Variants in GIMAP8 observed in about 807,000 individuals in gnomAD.
GIMAP8 encodes the protein GTPase IMAP family member 8.
A neutral mutation model predicts 35.6 loss-of-function variants in GIMAP8; 29 were observed. The observed-to-expected ratio is 0.81, with a 90% CI of 0.61 to 1.11. The LOEUF is 1.11. GIMAP8 is among the 50% of genes most tolerant of loss of function. The pLI is 0.00. For missense variants in GIMAP8, 811 were observed against 805.0 expected, an observed-to-expected ratio of 1.01 and a Z score of -0.09; for synonymous variants, 335 against 308.7, an observed-to-expected ratio of 1.09 and a Z score of -0.89.
chr7:150,457,331 CGT>C (rs763819243), intron 1 of GIMAP8, among the ~76,000 whole-genome samples: 3 of 152,176 alleles, frequency 2.0e-5, no homozygotes, highest in Non-Finnish European at 4.4e-5. Context: ...CAACCTCCAG[CGT>C]GTGTGTCATA....
rs764270542 is a variant in GIMAP8 at position 150,472,423 on chromosome 7, G to C, written c.682+1549G>C. ...ATGTTCGGGCAATGCTGTTGTTTTT[G>C]TGTGCTCAGATACGATTGCAGAGTG... On this transcript the variant is annotated intron_variant, in intron 3 of 4. Transcript: ENST00000307271. The surrounding 1 kb of genome is among the most constrained non-coding windows in gnomAD (Gnocchi z 4.1). 2.6e-5 allele frequency among the ~76,000 whole-genome samples: 4 copies of C among 152,170 alleles called. No individual in the cohort carries two copies.
chr7:150,470,142 T>C (rs1802056214), intron 2 of GIMAP8, among the ~76,000 whole-genome samples: 1 of 152,200 alleles, frequency 6.6e-6, no homozygotes, highest in Non-Finnish European at 1.5e-5. Flanking sequence ...TGAACTGGGC[T>C]ATGTAAGGTT....
chr7:150,470,746 CTT>C (rs765100972), intron 2 of GIMAP8, 81 bp from the exon 3 acceptor site: 6,246 of 464,842 alleles, frequency 0.013, 17 homozygotes, highest in African/African-American at 0.054. Flanking sequence ...CTTCAATTTC[CTT>C]TTTTTTTTTT....
intron 1 of GIMAP8, among the ~76,000 whole-genome samples, chr7:150,455,368 A>C (rs977342459): frequency 1.3e-5 from 2 of 152,254 alleles, no homozygotes; most frequent in Non-Finnish European, 2.9e-5. Flanking sequence ...AGGTGTTGGG[A>C]GTTGCTCAGT....
intron 3 of GIMAP8, among the ~76,000 whole-genome samples, chr7:150,471,758 A>C (rs1802098350): frequency 1.3e-5 from 2 of 151,980 alleles, no homozygotes; most frequent in South Asian, 4.2e-4. Flanking sequence ...AATCACTTGA[A>C]TCTGGGAGCG....
intron 3 of GIMAP8, among the ~76,000 whole-genome samples, chr7:150,471,918 C>T (rs1474944158): frequency 6.6e-6 from 1 of 151,942 alleles, no homozygotes; most frequent in Non-Finnish European, 1.5e-5. Flanking sequence ...ATAGCATATT[C>T]ATATATAATC....
Position 150,464,802 on chromosome 7 carries a change from A to G in GIMAP8, c.-28-1869A>G, listed in dbSNP as rs186610258. ...GATTGTTTTCTTTAAAATTTTCTAAATATACCAAATTCTTTAGAATAAACA... is the reference window on the plus strand; with the variant it reads ...GATTGTTTTCTTTAAAATTTTCTAAGTATACCAAATTCTTTAGAATAAACA... On this transcript the variant is annotated intron_variant, in intron 1 of 4. Transcript: ENST00000307271. Among the ~76,000 whole-genome samples the G allele has an allele frequency of 2.6e-5, 4 of 152,380 alleles. No homozygotes were observed. In the East Asian group the frequency reaches 5.8e-4, roughly 22 times the overall value.
intron 1 of GIMAP8, among the ~76,000 whole-genome samples, chr7:150,452,695 T>G (rs1017910753): frequency 1.8e-4 from 20 of 112,232 alleles, no homozygotes; most frequent in African/African-American, 5.7e-4. Context: ...TATATATATA[T>G]ATATATATAT....
At position 150,472,672 on chromosome 7, in the gene GIMAP8, G is replaced by T. The variant is rs1802118553; in HGVS notation, c.683-1340G>T. Among the ~76,000 whole-genome samples, 3 of 152,210 alleles carry T rather than the reference G, an allele frequency of 2.0e-5. No individual in the cohort carries two copies. The highest frequency in any genetic ancestry group is 2.0e-4 in the Admixed American group (3 of 15,282). On this transcript the variant is annotated intron_variant, in intron 3 of 4. Transcript: ENST00000307271. The surrounding 1 kb of genome is among the most constrained non-coding windows in gnomAD (Gnocchi z 4.1). ...TAAAATTATTATTTTGGTAAGAATA[G>T]AGGAAATACACATGGCAGCTGATTT...
intron 1 of GIMAP8, among the ~76,000 whole-genome samples, chr7:150,452,635 GTA>G (rs1292021323): frequency 1.1e-4 from 13 of 121,998 alleles, no homozygotes; most frequent in African/African-American, 2.8e-4. Context: ...GTGTATATAT[GTA>G]TATATATGTG....
chr7:150,461,837 G>T (rs1801852669), intron 1 of GIMAP8, among the ~76,000 whole-genome samples: 1 of 152,140 alleles, frequency 6.6e-6, no homozygotes, highest in African/African-American at 2.4e-5. Flanking sequence ...GTTGTTTTTG[G>T]ATTGTTTTGT....
chr7:150,465,519 A>G (rs1801935992), intron 1 of GIMAP8, among the ~76,000 whole-genome samples: 1 of 152,208 alleles, frequency 6.6e-6, no homozygotes, highest in Non-Finnish European at 1.5e-5. Flanking sequence ...CTCTTGGGCA[A>G]TCCAGAAGAA....
chr7:150,478,641 T>G lies in GIMAP8; in HGVS notation c.*861T>G, dbSNP rs1802298827. On this transcript the variant is annotated 3_prime_UTR_variant, in exon 5 of 5. Transcript: ENST00000307271. ...TTTCCCTTGAGGTTAGGAAACAGGT[T>G]AAAACTCAGAGAACTCCAATAATAA... 1 of 152,182 alleles carries G rather than the reference T, an allele frequency of 6.6e-6. No individual in the cohort carries two copies. The highest frequency in any genetic ancestry group is 2.1e-4 in the South Asian group (1 of 4,830). The allele number at this position is 152,182 out of a possible 1,614,324, so 9.4% of individuals were successfully genotyped here. A position where few individuals can be genotyped will look rare whatever the true frequency, so the allele number is the denominator to read the frequency against.
intron 4 of GIMAP8, 74 bp downstream of exon 4, chr7:150,474,712 T>C: frequency 1.0e-6 from 1 of 1,003,262 alleles, no homozygotes; most frequent in Non-Finnish European, 1.4e-6. Context: ...AAGAACTTTT[T>C]ATTTTCTTTT....
intron 1 of GIMAP8, among the ~76,000 whole-genome samples, chr7:150,465,324 T>A (rs993138906): frequency 3.9e-5 from 6 of 152,098 alleles, no homozygotes; most frequent in Admixed American, 1.3e-4. Context: ...AGCTTTGCAG[T>A]CTTGGAAACT....
chr7:150,466,407 A>C (rs564087348), intron 1 of GIMAP8, among the ~76,000 whole-genome samples: 3 of 151,720 alleles, frequency 2.0e-5, no homozygotes, highest in African/African-American at 7.3e-5. Flanking sequence ...GGTTTCTAAC[A>C]TATCTGACTT....
Position 150,466,644 on chromosome 7 carries a change from T to C in GIMAP8, c.-28-27T>C, listed in dbSNP as rs925171820. On this transcript the variant is annotated intron_variant, in intron 1 of 4. Coordinates refer to ENST00000307271, the MANE Select transcript of GIMAP8 (RefSeq NM_175571.4). ...GTCCACTCTGTGTGGGAGTTGAACA[T>C]TAATGTGTTGTTTTCTGTCCCAACA... The C allele has an allele frequency of 4.4e-6, 7 of 1,575,002 alleles. No homozygotes were observed. The African/African-American group carries it at 9.5e-5, about 21-fold the overall frequency.
chr7:150,466,161 T>C (rs976141240), intron 1 of GIMAP8, among the ~76,000 whole-genome samples: 2 of 152,214 alleles, frequency 1.3e-5, no homozygotes, highest in African/African-American at 4.8e-5. Flanking sequence ...CCATATATTA[T>C]ATTTGCTTGT....
chr7:150,474,425 AAAG>A lies in GIMAP8; in HGVS notation c.1101_1103del (p.Glu367del). On this transcript the variant is annotated inframe_deletion, in exon 4 of 5. Coordinates refer to ENST00000307271, the MANE Select transcript of GIMAP8 (RefSeq NM_175571.4). ...GTACATGATCATACTTCTTACCAGG[AAAG>A]AAGATTTAGGGGATCAGGATCTAGA... 6.2e-7 allele frequency: 1 copy of A among 1,613,696 alleles called. No homozygotes were observed. Among genetic ancestry groups the A allele is most frequent in the African/African-American group, 1.3e-5 (1 of 75,036 alleles).
Sources: gnomAD v4.1 joint callset for allele counts (sites outside exome capture counted in the v4.1 genomes callset) on GRCh38, gnomAD v4.1.1 for gene constraint, Gnocchi (gnomAD v3.1) non-coding constraint, MANE v1.5 for transcripts, NCBI Gene and HGNC (gene_info 2026-07-23, HGNC 2026-07-21) for gene names.